GRB10: variants seen among roughly 807,000 people sequenced by gnomAD.
GRB10 encodes the protein growth factor receptor-bound protein 10.
In GRB10, 20 loss-of-function variants were observed where a neutral mutation model predicts 80.9. That is an observed-to-expected ratio of 0.25 (90% CI 0.17 to 0.36). The LOEUF is 0.36. GRB10 is among the 10% of genes least tolerant of loss of function. GRB10 has a pLI of 1.00. For synonymous variants in GRB10, 291 were observed against 291.5 expected (o/e 1.00, Z 0.02); for missense variants, 548 against 747.7 (o/e 0.73, Z 3.12).
intron 17 of GRB10, among the ~76,000 whole-genome samples, chr7:50,603,254 G>A (rs770552599): frequency 4.6e-5 from 7 of 152,280 alleles, no homozygotes; most frequent in Admixed American, 1.3e-4. Flanking sequence ...TGTGGTAACT[G>A]CATCCCATGT....
intron 5 of GRB10, among the ~76,000 whole-genome samples, chr7:50,680,623 C>G (rs1406259177): frequency 6.6e-6 from 1 of 152,062 alleles, no homozygotes; most frequent in Non-Finnish European, 1.5e-5. Flanking sequence ...AATCGCCATC[C>G]AAAGCATATT....
At chr7:50,675,382 CAG>C (rs1250539579) in intron 5 of GRB10, among the ~76,000 whole-genome samples, 1 of 152,232 alleles carries the variant, frequency 6.6e-6, no homozygotes, top group Non-Finnish European at 1.5e-5. Flanking sequence ...AATGAGCACG[CAG>C]AGACAGTGAT....
Position 50,653,049 on chromosome 7 carries a change from G to A in GRB10, c.504+16673C>T, listed in dbSNP as rs115738588. Among the ~76,000 whole-genome samples, 1,320 of 152,294 alleles carry A rather than the reference G, an allele frequency of 8.7e-3. 23 individuals are homozygous for A. Among genetic ancestry groups the A allele is most frequent in the African/African-American group, 0.03 (1,237 of 41,548 alleles). On this transcript the variant is annotated intron_variant, in intron 7 of 18. Coordinates refer to ENST00000401949, the MANE Select transcript of GRB10 (RefSeq NM_001350814.2). ...CCCTCTCATGTAACTGGTTACAAAGGAGGTGAGCAACTGCTGAGTGCAATA... is the reference window on the plus strand; with the variant it reads ...CCCTCTCATGTAACTGGTTACAAAGAAGGTGAGCAACTGCTGAGTGCAATA...
Position 50,704,019 on chromosome 7 carries a change from T to A in GRB10, c.52-111A>T, listed in dbSNP as rs1048649007. 4.2e-6 allele frequency: 3 copies of A among 721,284 alleles called. No individual in the cohort carries two copies. The African/African-American group carries it at 5.3e-5, about 13-fold the overall frequency. The allele number at this position is 721,284 out of a possible 1,614,324, so 44.7% of individuals were successfully genotyped here. The stretch of plus-strand genomic sequence containing the variant: ...CTTTCTTCCTCAATTCCTTACTTCC[T>A]TTCCACTTACTTACTTTTTCCATTT... On this transcript the variant is annotated intron_variant, in intron 4 of 18. Coordinates refer to ENST00000401949, the MANE Select transcript of GRB10 (RefSeq NM_001350814.2).
At chr7:50,773,805 A>C (rs1428049105) in intron 2 of GRB10, among the ~76,000 whole-genome samples, 4 of 152,268 alleles carry the variant, frequency 2.6e-5, no homozygotes, top group African/African-American at 9.6e-5. Context: ...GTCCATCAAC[A>C]GTTGAATAAA....
intron 7 of GRB10, among the ~76,000 whole-genome samples, chr7:50,637,872 G>T (rs2055371810): frequency 7.2e-6 from 1 of 138,160 alleles, no homozygotes; most frequent in African/African-American, 2.4e-5. Context: ...CAATGAAATG[G>T]AATAGAGAAC....
chr7:50,661,490 G>T (rs538024037), intron 7 of GRB10, among the ~76,000 whole-genome samples: 1 of 152,292 alleles, frequency 6.6e-6, no homozygotes, highest in African/African-American at 2.4e-5. Flanking sequence ...GGAAAGTGTG[G>T]CCTGTCAAAG....
At chr7:50,626,726 C>A (rs1197123856) in intron 8 of GRB10, 96 bp downstream of exon 8, 8 of 1,384,358 alleles carry the variant, frequency 5.8e-6, no homozygotes, top group Non-Finnish European at 8.2e-6. Flanking sequence ...TCGCAGGGGA[C>A]ACTGCGGTCA....
At position 50,703,149 on chromosome 7, in the gene GRB10, T is replaced by C. The variant is rs78761246; in HGVS notation, c.139+672A>G. On this transcript the variant is annotated intron_variant, in intron 5 of 18. Coordinates refer to ENST00000401949, the MANE Select transcript of GRB10 (RefSeq NM_001350814.2). ...CATGGTCAGATCCCAGCTTTTATTT[T>C]TATAGTCAACCTTTCTCATTAAGTA... Among the ~76,000 whole-genome samples the C allele has an allele frequency of 1.5e-3, 225 of 152,354 alleles. 5 individuals carry two copies. The East Asian group carries it at 0.037, about 25-fold the overall frequency.
In GRB10 at chr7:50,593,004, T is replaced by C; in HGVS notation, c.1733A>G (p.Lys578Arg). The C allele has an allele frequency of 6.2e-7, 1 of 1,614,214 alleles. No individual in the cohort carries two copies. Among genetic ancestry groups the C allele is most frequent in the South Asian group, 1.1e-5 (1 of 91,084 alleles). ...IQLVDFYQLN[K>R]GVLPCKLKHH... ...CTTGAGTTTGCAAGGCAGGACTCCT[T>C]TGTTCAGCTGGTAAAAGTCAACCAG... The change falls in exon 19 of 19, where the codon AAA (lysine) becomes AGA (arginine). Residue 578 changes from lysine (K) to arginine (R), a missense_variant. Transcript: ENST00000401949.
chr7:50,691,433 T>C (rs564711917), intron 5 of GRB10, among the ~76,000 whole-genome samples: 1 of 152,252 alleles, frequency 6.6e-6, no homozygotes, highest in South Asian at 2.1e-4. Context: ...CCTATAAATA[T>C]GGAGATAATA....
intron 4 of GRB10, among the ~76,000 whole-genome samples, chr7:50,709,473 C>T (rs987792595): frequency 1.3e-5 from 2 of 152,180 alleles, no homozygotes; most frequent in African/African-American, 4.8e-5. Flanking sequence ...TGCACAAATG[C>T]CCCCTGGCCT....
chr7:50,721,014 G>A (rs1247127583), intron 4 of GRB10, among the ~76,000 whole-genome samples: 8 of 152,140 alleles, frequency 5.3e-5, no homozygotes, highest in South Asian at 2.1e-4. Context: ...GAAAAGAAAC[G>A]CCCTGCTTCA....
intron 7 of GRB10, among the ~76,000 whole-genome samples, chr7:50,633,429 G>C (rs80055045): frequency 0.05 from 7,642 of 152,186 alleles, 637 homozygotes; most frequent in African/African-American, 0.17. Flanking sequence ...CCAAGCAAAT[G>C]AAAGTAAATT....
intron 3 of GRB10, among the ~76,000 whole-genome samples, chr7:50,742,312 CACAT>C (rs1164853890): frequency 1.5e-4 from 21 of 138,216 alleles, no homozygotes; most frequent in African/African-American, 4.5e-4. Flanking sequence ...CACACACACA[CACAT>C]ACACGGCATC....
chr7:50,667,515 C>T (rs1238504925), intron 7 of GRB10, among the ~76,000 whole-genome samples: 2 of 152,120 alleles, frequency 1.3e-5, no homozygotes, highest in Non-Finnish European at 2.9e-5. Context: ...CAGCACCATC[C>T]CCCACCGTGA....
intron 5 of GRB10, among the ~76,000 whole-genome samples, chr7:50,699,448 G>A (rs997515926): frequency 6.6e-6 from 1 of 152,098 alleles, no homozygotes; most frequent in Admixed American, 6.5e-5. Flanking sequence ...TACAAATTTT[G>A]TTATTATTTG....
At chr7:50,687,174 G>A (rs1586881900) in intron 5 of GRB10, among the ~76,000 whole-genome samples, 1 of 152,278 alleles carries the variant, frequency 6.6e-6, no homozygotes, top group East Asian at 1.9e-4. Context: ...TTAGTTTCTT[G>A]GAAAAAGGCC....
chr7:50,671,124 C>T (rs2060311536), intron 6 of GRB10, among the ~76,000 whole-genome samples: 1 of 152,210 alleles, frequency 6.6e-6, no homozygotes, highest in Non-Finnish European at 1.5e-5. Flanking sequence ...CTCCAGGGCA[C>T]TCCTGGACAC....
Sources: gnomAD v4.1 joint callset for allele counts (sites outside exome capture counted in the v4.1 genomes callset) on GRCh38, gnomAD v4.1.1 for gene constraint, MANE v1.5 for transcripts, NCBI Gene and HGNC (gene_info 2026-07-23, HGNC 2026-07-21) for gene names.